CLASP2: variants seen among roughly 807,000 people sequenced by gnomAD.
CLASP2 encodes CLIP-associating protein 2.
In CLASP2, 47 loss-of-function variants were observed where a neutral mutation model predicts 194.4. That is an observed-to-expected ratio of 0.24 (90% confidence interval 0.19 to 0.31). CLASP2 has a LOEUF of 0.31. Ranked by LOEUF, CLASP2 falls within the 10% of genes least tolerant of loss-of-function variation. The pLI is 1.00. For missense variants in CLASP2, 1,445 were observed against 1,823.6 expected (o/e 0.79, Z 3.78); for synonymous variants, 619 against 633.5 (o/e 0.98, Z 0.34).
intron 11 of CLASP2, among the ~76,000 whole-genome samples, chr3:33,620,718 A>G (rs1251473380): frequency 5.3e-5 from 8 of 152,192 alleles, no homozygotes; most frequent in Non-Finnish European, 1.0e-4. Context: ...GGAGAGGCAG[A>G]GTCAAGAGTT....
At chr3:33,635,044 G>A (rs896136098) in intron 8 of CLASP2, among the ~76,000 whole-genome samples, 1 of 151,866 alleles carries the variant, frequency 6.6e-6, no homozygotes, top group Non-Finnish European at 1.5e-5. Flanking sequence ...CTGAGCTCAG[G>A]AATTTGGGAC....
At chr3:33,516,237 A>T in intron 35 of CLASP2, 86 bp from the exon 36 acceptor site, 1 of 1,279,968 alleles carries the variant, frequency 7.8e-7, no homozygotes, top group Non-Finnish European at 1.1e-6. Context: ...AAGGGTCTTA[A>T]TATTGGGGGA....
chr3:33,563,077 A>G (rs1037583278), intron 27 of CLASP2, among the ~76,000 whole-genome samples: 12 of 152,114 alleles, frequency 7.9e-5, no homozygotes, highest in African/African-American at 2.4e-4. Flanking sequence ...CCTGCTCTCT[A>G]AAACATGGTC....
intron 30 of CLASP2, 113 bp downstream of exon 30, chr3:33,551,139 A>G (rs1304982486): frequency 1.1e-6 from 1 of 869,950 alleles, no homozygotes; most frequent in African/African-American, 1.7e-5. Context: ...AAAGCTCTTC[A>G]TAACTCACTG....
chr3:33,703,635 C>T (rs2092513729), intron 1 of CLASP2, among the ~76,000 whole-genome samples: 1 of 152,176 alleles, frequency 6.6e-6, no homozygotes, highest in African/African-American at 2.4e-5. Context: ...CATAAAACAC[C>T]TACACACTCA....
At chr3:33,692,383 C>T (rs2091449143) in intron 2 of CLASP2, among the ~76,000 whole-genome samples, 3 of 152,010 alleles carry the variant, frequency 2.0e-5, no homozygotes, top group Admixed American at 2.0e-4. Context: ...CAAACAGGGG[C>T]TCACTTTAAT....
At position 33,606,647 on chromosome 3, in the gene CLASP2, A is replaced by G. The variant is rs2073913799; in HGVS notation, c.1638T>C (p.Ser546=). The change falls in exon 16 of 39, where the codon AGT becomes AGC. Residue 546 remains serine (S), a synonymous_variant. Coordinates refer to ENST00000682230, the MANE Select transcript of CLASP2 (RefSeq NM_001365631.1). ...SLQTYLKSSG[S]VASLPQSDRS... ...TGTCTGATTGTGGAAGAGATGCTAC[A>G]CTGCCAGAACTCTTTAAGTAAGTTT... The G allele has an allele frequency of 1.9e-6, 3 of 1,613,718 alleles. No homozygotes were observed. The highest frequency in any genetic ancestry group is 2.2e-5 in the South Asian group (2 of 91,080).
chr3:33,696,869 G>A lies in CLASP2; in HGVS notation c.260C>T (p.Ser87Phe). The A allele has an allele frequency of 1.3e-6, 2 of 1,589,458 alleles. No homozygotes were observed. Among genetic ancestry groups the A allele is most frequent in the South Asian group, 2.3e-5 (2 of 87,622 alleles). Residue 87 changes from serine to phenylalanine, a missense_variant, in exon 2 of 39, where the codon TCC becomes TTC. By Grantham distance (155) the Ser-to-Phe change is radical. Around this residue, in one of 4 missense-constraint regions of CLASP2, gnomAD observed 332 missense variants for 325.3 expected, o/e 1.02. Coordinates refer to ENST00000682230, the MANE Select transcript of CLASP2 (RefSeq NM_001365631.1). ...AGTTAACTTACCCATTGCTACATAGGATTTAAAGCGTGTTGATAATCTGTC... is the reference window on the plus strand; with the variant it reads ...AGTTAACTTACCCATTGCTACATAGAATTTAAAGCGTGTTGATAATCTGTC... Reference protein sequence around the residue: ...FVDRLSTRFKSYVAMVIVALI... With the variant: ...FVDRLSTRFKFYVAMVIVALI...
At chr3:33,598,909 T>C (rs1332550427) in intron 18 of CLASP2, among the ~76,000 whole-genome samples, 1 of 152,150 alleles carries the variant, frequency 6.6e-6, no homozygotes, top group East Asian at 1.9e-4. Flanking sequence ...CAGGCTGAAG[T>C]TAAAGAGTGA....
intron 34 of CLASP2, among the ~76,000 whole-genome samples, chr3:33,527,330 G>A (rs770320308): frequency 8.5e-5 from 13 of 152,062 alleles, no homozygotes; most frequent in Admixed American, 2.0e-4. Context: ...AAACTACTAC[G>A]AACACCTCTA....
intron 12 of CLASP2, among the ~76,000 whole-genome samples, chr3:33,616,209 T>G (rs1425158431): frequency 1.3e-5 from 2 of 151,942 alleles, no homozygotes; most frequent in East Asian, 3.9e-4. Flanking sequence ...AGCTCACACT[T>G]GTAATCCCAG....
chr3:33,585,045 C>T (rs1339353508), intron 21 of CLASP2, 125 bp from the exon 22 acceptor site: 4 of 721,264 alleles, frequency 5.5e-6, no homozygotes, highest in Non-Finnish European at 8.5e-6. Flanking sequence ...GTTCTACGCT[C>T]AAAGGAAATA....
intron 6 of CLASP2, among the ~76,000 whole-genome samples, chr3:33,684,138 G>A (rs1301883244): frequency 1.3e-5 from 2 of 151,466 alleles, no homozygotes; most frequent in South Asian, 2.1e-4. Flanking sequence ...CCAGCTACTC[G>A]GGAGGCTGAG....
chr3:33,628,149 T>TAAGAGC (rs2078386085), intron 9 of CLASP2, among the ~76,000 whole-genome samples: 1 of 151,928 alleles, frequency 6.6e-6, no homozygotes, highest in African/African-American at 2.4e-5. Context: ...TAACAGAGAG[T>TAAGAGC]AAGAGCAAGA....
At chr3:33,510,329 G>T (rs2049282) in intron 37 of CLASP2, among the ~76,000 whole-genome samples, 41,651 of 151,960 alleles carry the variant, frequency 0.27, 6,057 homozygotes, top group Admixed American at 0.42. Context: ...TGTGAATGTA[G>T]TTAATGCTCC....
rs772354706 is a variant in CLASP2 at position 33,576,245 on chromosome 3, C to A, written c.2378G>T (p.Arg793Leu). Residue 793 changes from arginine (R) to leucine (L), a missense_variant, in exon 24 of 39, where the codon CGA (arginine) becomes CTA (leucine). By Grantham distance (102) the Arg-to-Leu change is moderately radical (BLOSUM62 -2). Transcript: ENST00000682230. ...GPGYGISQSSRLSSSVSAMRV... is the reference protein window; with the variant it reads ...GPGYGISQSSLLSSSVSAMRV... ...CATGGCACTAACAGAAGACGACAGT[C>A]GACTTGATTGGCTGATCCCATAACC... is the stretch of plus-strand genomic sequence containing the variant. The A allele has an allele frequency of 1.2e-5, 19 of 1,613,644 alleles. No homozygotes were observed. Among genetic ancestry groups the A allele is most frequent in the Middle Eastern group, 3.3e-4 (2 of 6,060 alleles).
chr3:33,540,161 C>T (rs1186293832), intron 32 of CLASP2, among the ~76,000 whole-genome samples: 1 of 151,680 alleles, frequency 6.6e-6, no homozygotes, highest in Non-Finnish European at 1.5e-5. Context: ...AACTCCTGAC[C>T]TCAGGTGATC....
intron 2 of CLASP2, among the ~76,000 whole-genome samples, chr3:33,695,391 C>T (rs1482436064): frequency 6.7e-6 from 1 of 149,822 alleles, no homozygotes; most frequent in Non-Finnish European, 1.5e-5. Context: ...GGGAGACTAA[C>T]AGCTTAAAAA....
At chr3:33,632,041 ATTAAT>A (rs1045162280) in intron 9 of CLASP2, among the ~76,000 whole-genome samples, 2 of 152,354 alleles carry the variant, frequency 1.3e-5, no homozygotes, top group East Asian at 1.9e-4. Flanking sequence ...CTCAAAACTC[ATTAAT>A]TTAAGAATCT....
Sources: allele counts gnomAD v4.1 joint callset (sites outside exome capture counted in the v4.1 genomes callset), GRCh38; gene constraint gnomAD v4.1.1; regional missense constraint gnomAD v4.1.1; transcripts MANE v1.5; gene names NCBI Gene and HGNC (gene_info 2026-07-23, HGNC 2026-07-21).